The following DYNC1I1 variants were observed in gnomAD, a reference collection of about 807,000 sequenced individuals.
DYNC1I1 encodes the protein dynein cytoplasmic 1 intermediate chain 1.
DYNC1I1 carries 43 observed loss-of-function variants against 86.6 expected under a neutral mutation model. That is an observed-to-expected ratio of 0.50 (90% CI 0.39 to 0.64). The LOEUF (loss-of-function observed/expected upper bound fraction) is 0.64, where lower values mean the gene tolerates loss of function less well. Ranked by LOEUF, DYNC1I1 falls within the 30% of genes least tolerant of loss-of-function variation. The pLI is 0.00. For synonymous variants in DYNC1I1, 262 were observed against 283.7 expected, an observed-to-expected ratio of 0.92 and a Z score of 0.77; for missense variants, 604 against 788.8, an observed-to-expected ratio of 0.77 and a Z score of 2.81.
intron 6 of DYNC1I1, among the ~76,000 whole-genome samples, chr7:95,902,153 C>G (rs1324538357): frequency 1.3e-5 from 2 of 152,116 alleles, no homozygotes; most frequent in Non-Finnish European, 2.9e-5. Context: ...TGTCTTTTTC[C>G]TTTCCCAAAA....
At chr7:95,941,495 C>G (rs1792218190) in intron 6 of DYNC1I1, among the ~76,000 whole-genome samples, 1 of 152,176 alleles carries the variant, frequency 6.6e-6, no homozygotes, top group Non-Finnish European at 1.5e-5. Context: ...CCTAAGCAAG[C>G]CTGGGCAATG....
chr7:95,951,762 A>G (rs1206586568), intron 6 of DYNC1I1, among the ~76,000 whole-genome samples: 2 of 152,182 alleles, frequency 1.3e-5, no homozygotes, highest in Non-Finnish European at 2.9e-5. Context: ...GTATTCATGC[A>G]GCGAAGAGCT....
chr7:96,105,813 T>C (rs1488792162), intron 16 of DYNC1I1, among the ~76,000 whole-genome samples: 1 of 152,206 alleles, frequency 6.6e-6, no homozygotes, highest in African/African-American at 2.4e-5. Context: ...CAAGTGCATT[T>C]ATTTAATAGA....
At chr7:96,031,319 A>T (rs1434319140) in intron 11 of DYNC1I1, among the ~76,000 whole-genome samples, 2 of 152,210 alleles carry the variant, frequency 1.3e-5, no homozygotes, top group African/African-American at 4.8e-5. Flanking sequence ...AATTAGTGAC[A>T]GTCTGGGTAA....
chr7:96,087,091 G>C (rs1295845685), intron 16 of DYNC1I1, among the ~76,000 whole-genome samples: 3 of 46,732 alleles, frequency 6.4e-5, no homozygotes, highest in Non-Finnish European at 1.6e-4. Flanking sequence ...GATTTTTAAG[G>C]GGAATCACAC....
rs897142392 is a variant in DYNC1I1 at position 96,097,647 on chromosome 7, G to A, written c.*54G>A. The A allele has an allele frequency of 5.4e-5, 87 of 1,606,852 alleles. No homozygotes were observed. Among genetic ancestry groups the A allele is most frequent in the Middle Eastern group, 1.7e-4 (1 of 6,046 alleles). The stretch of plus-strand genomic sequence containing the variant: ...CCACCTTTGTGTCCTAGAGCTCAGC[G>A]TCTGCAGTCAAGTCTCTTGTATTCG... On this transcript the variant is annotated 3_prime_UTR_variant, in exon 17 of 17. Transcript: ENST00000447467.
chr7:95,786,315 G>T (rs563465003), intron 1 of DYNC1I1, among the ~76,000 whole-genome samples: 2 of 152,016 alleles, frequency 1.3e-5, no homozygotes, highest in Non-Finnish European at 2.9e-5. Context: ...TCCCCAGTTC[G>T]CATCCTACTC....
At chr7:95,881,595 G>A (rs532022348) in intron 6 of DYNC1I1, among the ~76,000 whole-genome samples, 2 of 152,184 alleles carry the variant, frequency 1.3e-5, no homozygotes, top group Non-Finnish European at 2.9e-5. Context: ...AACTTGTAGT[G>A]TGACATTTGT....
intron 5 of DYNC1I1, among the ~76,000 whole-genome samples, chr7:95,844,463 C>G (rs1200988648): frequency 6.6e-6 from 1 of 152,120 alleles, no homozygotes. Flanking sequence ...TTCACTGAGA[C>G]CAAGGCATTG....
intron 16 of DYNC1I1, among the ~76,000 whole-genome samples, chr7:96,095,477 A>G (rs1464790846): frequency 6.6e-6 from 1 of 152,014 alleles, no homozygotes; most frequent in African/African-American, 2.4e-5. Flanking sequence ...TGGGAACCAA[A>G]CTCAGCTCTT....
At chr7:96,093,859 T>A (rs1790919736) in intron 16 of DYNC1I1, among the ~76,000 whole-genome samples, 1 of 152,208 alleles carries the variant, frequency 6.6e-6, no homozygotes, top group Non-Finnish European at 1.5e-5. Flanking sequence ...ACATAAATTG[T>A]TTGGAAATTA....
chr7:96,013,399 A>G (rs1030420453), intron 10 of DYNC1I1, among the ~76,000 whole-genome samples: 1 of 152,204 alleles, frequency 6.6e-6, no homozygotes, highest in African/African-American at 2.4e-5. Context: ...CCAGAGCTGT[A>G]AGATAATAAA....
intron 5 of DYNC1I1, among the ~76,000 whole-genome samples, chr7:95,865,749 G>A (rs1438700053): frequency 1.3e-5 from 2 of 152,296 alleles, no homozygotes; most frequent in African/African-American, 4.8e-5. Flanking sequence ...ATGCTGTACA[G>A]GGTTGTAGCC....
downstream of DYNC1I1, among the ~76,000 whole-genome samples, chr7:96,100,940 T>G (rs1454300065): frequency 6.6e-6 from 1 of 152,150 alleles, no homozygotes; most frequent in Admixed American, 6.5e-5. Context: ...CAAAGCCATT[T>G]GCAATGAGCT....
intron 5 of DYNC1I1, 68 bp downstream of exon 5, chr7:95,828,184 C>T (rs1281411741): frequency 6.4e-7 from 1 of 1,563,556 alleles, no homozygotes; most frequent in African/African-American, 1.4e-5. Flanking sequence ...AATGCTGGAG[C>T]TGTTGTTGCT....
intron 6 of DYNC1I1, among the ~76,000 whole-genome samples, chr7:95,976,009 A>AT (rs1333149414): frequency 1.3e-5 from 2 of 152,192 alleles, no homozygotes; most frequent in African/African-American, 4.8e-5. Context: ...TCACATACGG[A>AT]TAAGGACATA....
intron 10 of DYNC1I1, among the ~76,000 whole-genome samples, chr7:96,009,821 C>T (rs1402311034): frequency 6.6e-6 from 1 of 151,694 alleles, no homozygotes; most frequent in Non-Finnish European, 1.5e-5. Flanking sequence ...TCTTTGTTAT[C>T]CAGGCTGGAG....
intron 14 of DYNC1I1, among the ~76,000 whole-genome samples, chr7:96,060,334 T>C (rs1215818798): frequency 6.6e-6 from 1 of 152,158 alleles, no homozygotes; most frequent in African/African-American, 2.4e-5. Flanking sequence ...AAGTCCGACA[T>C]ACATGGTTAT....
intron 6 of DYNC1I1, among the ~76,000 whole-genome samples, chr7:95,934,523 A>T (rs1031265051): frequency 1.2e-4 from 18 of 152,190 alleles, no homozygotes; most frequent in Admixed American, 9.2e-4. Context: ...ATGGTATGAT[A>T]AATAGTTCTT....
Sources: allele counts gnomAD v4.1 joint callset (sites outside exome capture counted in the v4.1 genomes callset), GRCh38; gene constraint gnomAD v4.1.1; transcripts MANE v1.5; gene names NCBI Gene and HGNC (gene_info 2026-07-23, HGNC 2026-07-21).